The following MDM4 variants were observed in gnomAD, a reference collection of about 807,000 sequenced individuals.
The protein encoded by MDM4 is protein Mdm4.
Under a neutral mutation model 60.2 loss-of-function variants are expected in MDM4, and 2 were observed. The observed-to-expected ratio is 0.03, with a 90% CI of 0.01 to 0.10. The LOEUF is 0.10. Among genes scored for constraint, MDM4 ranks in the 10% least tolerant of loss-of-function variants. The pLI, the probability that MDM4 is intolerant of heterozygous loss-of-function variation, is 1.00. For synonymous variants in MDM4, 202 were observed against 198.1 expected (o/e 1.02, Z -0.17); for missense variants, 447 against 577.5 (o/e 0.77, Z 2.32).
In MDM4 at chr1:204,553,261, C is replaced by T. The variant is rs528613058; in HGVS notation, c.*3579C>T. ...TTTACTCACTGCCACTAAACTAAAG[C>T]AAGGCATAGTTTATATGTGAAGTGT... On this transcript the variant is annotated 3_prime_UTR_variant, in exon 11 of 11. Transcript: ENST00000367182. 1 of 200,034 alleles carries T rather than the reference C, an allele frequency of 5.0e-6. No individual in the cohort carries two copies. The highest frequency in any genetic ancestry group is 1.0e-5 in the Non-Finnish European group (1 of 96,742). 12.4% of individuals were successfully genotyped at this position (200,034 alleles called of 1,614,324 possible). A position where few individuals can be genotyped will look rare whatever the true frequency, so the allele number is the denominator to read the frequency against.
chr1:204,538,740 G>T, intron 7 of MDM4, among the ~76,000 whole-genome samples: 2 of 149,366 alleles, frequency 1.3e-5, no homozygotes. Flanking sequence ...GAGTTTCCCT[G>T]GGTCACCCAG....
chr1:204,524,797 A>G (rs144319077), intron 1 of MDM4, among the ~76,000 whole-genome samples: 238 of 152,306 alleles, frequency 1.6e-3, no homozygotes, highest in African/African-American at 5.6e-3. Context: ...TAAATAAACA[A>G]TCTATCTTCC....
chr1:204,546,914 C>T, intron 10 of MDM4, 37 bp downstream of exon 10: 1 of 1,300,014 alleles, frequency 7.7e-7, no homozygotes. Context: ...TGCACCAGCC[C>T]CATCTTCAGA....
intron 3 of MDM4, among the ~76,000 whole-genome samples, chr1:204,528,113 G>A (rs1660421488): frequency 7.0e-6 from 1 of 143,276 alleles, no homozygotes; most frequent in Non-Finnish European, 1.5e-5. Flanking sequence ...TTTTATTGAA[G>A]CTTACAATTT....
intron 5 of MDM4, among the ~76,000 whole-genome samples, chr1:204,534,220 A>T (rs1661160965): frequency 6.6e-6 from 1 of 152,236 alleles, no homozygotes; most frequent in Non-Finnish European, 1.5e-5. Context: ...CACTTCACAT[A>T]GCTGTAAATT....
intron 1 of MDM4, among the ~76,000 whole-genome samples, chr1:204,524,755 G>A (rs1659943741): frequency 6.6e-6 from 1 of 152,188 alleles, no homozygotes; most frequent in African/African-American, 2.4e-5. Flanking sequence ...TCAGCCTGGG[G>A]GACAGCGAGA....
Position 204,532,180 on chromosome 1 carries a change from C to T in MDM4, c.288-11C>T, listed in dbSNP as rs748427127. 6.4e-7 allele frequency: 1 copy of T among 1,573,598 alleles called. No homozygotes were observed. Among genetic ancestry groups the T allele is most frequent in the Non-Finnish European group, 8.7e-7 (1 of 1,144,878 alleles). ...TGGGGTTGTTAATTTTTTATCTTCT[C>T]TCTTTAACAGCCCTCTCTATGATAT... On this transcript the variant is annotated splice_polypyrimidine_tract_variant and intron_variant, in intron 4 of 10. Transcript: ENST00000367182.
In MDM4 at chr1:204,549,948, AT is replaced by A. The variant is rs1404162167; in HGVS notation, c.*269del. The A allele has an allele frequency of 1.5e-5, 5 of 330,162 alleles. No individual in the cohort carries two copies. The East Asian group carries it at 2.3e-4, about 15-fold the overall frequency. 20.5% of individuals were successfully genotyped at this position (330,162 alleles called of 1,614,324 possible). ...AAAGAAAAACTCTTGAAAACAAGAGATTTCTTCCATGCACATTTACAATATT... is the reference window on the plus strand; with the variant it reads ...AAAGAAAAACTCTTGAAAACAAGAGATTCTTCCATGCACATTTACAATATT... On this transcript the variant is annotated 3_prime_UTR_variant, in exon 11 of 11. Transcript: ENST00000367182.
intron 8 of MDM4, 72 bp downstream of exon 8, chr1:204,543,016 A>G (rs1662281435): frequency 1.6e-6 from 2 of 1,261,540 alleles, no homozygotes; most frequent in South Asian, 2.7e-5. Flanking sequence ...ACTCTTGACC[A>G]CACATTATAT....
At chr1:204,525,182 T>C (rs1659996451) in intron 1 of MDM4, 1 of 202,724 alleles carries the variant, frequency 4.9e-6, no homozygotes, top group Non-Finnish European at 8.8e-6. Flanking sequence ...GATAATGATT[T>C]GACTTTCAGC....
intron 1 of MDM4, among the ~76,000 whole-genome samples, chr1:204,524,740 G>C (rs896856135): frequency 6.6e-6 from 1 of 152,260 alleles, no homozygotes; most frequent in Non-Finnish European, 1.5e-5. Flanking sequence ...TTGCGCCATT[G>C]CGCTTCAGCC....
At chr1:204,547,931 A>C (rs1347527202) in intron 10 of MDM4, among the ~76,000 whole-genome samples, 1 of 152,210 alleles carries the variant, frequency 6.6e-6, no homozygotes, top group Non-Finnish European at 1.5e-5. Context: ...CATGTTGGTC[A>C]GGCTGGTCTT....
chr1:204,547,507 T>C (rs1460213791), intron 10 of MDM4, among the ~76,000 whole-genome samples: 1 of 152,204 alleles, frequency 6.6e-6, no homozygotes, highest in Non-Finnish European at 1.5e-5. Context: ...AAAAGGTTGG[T>C]GGAGGAAGGA....
intron 2 of MDM4, among the ~76,000 whole-genome samples, chr1:204,525,797 T>G (rs555308369): frequency 1.2e-3 from 181 of 152,180 alleles, no homozygotes; most frequent in Non-Finnish European, 2.3e-3. Flanking sequence ...AAAAATTAGC[T>G]AGATGCAGTG....
chr1:204,537,256 A>T (rs1661518668), intron 5 of MDM4, among the ~76,000 whole-genome samples, 174 bp from the exon 6 acceptor site: 1 of 151,646 alleles, frequency 6.6e-6, no homozygotes, highest in Non-Finnish European at 1.5e-5. Context: ...GGTCTTTGTC[A>T]TTTTTATCAA....
chr1:204,551,368 T>C lies in MDM4; in HGVS notation c.*1686T>C. 1 of 231,416 alleles carries C rather than the reference T, an allele frequency of 4.3e-6. No homozygotes were observed. The highest frequency in any genetic ancestry group is 6.1e-5 in the East Asian group (1 of 16,396). 14.3% of individuals were successfully genotyped at this position (231,416 alleles called of 1,614,324 possible). On this transcript the variant is annotated 3_prime_UTR_variant, in exon 11 of 11. Coordinates refer to ENST00000367182, the MANE Select transcript of MDM4 (RefSeq NM_002393.5). ...ACCCTCTTTGCGTCTTAGGAGTCAT[T>C]TAGATTTTTTTTGATCCTTTTGTTT...
At position 204,556,200 on chromosome 1, in the gene MDM4, C is replaced by T. The variant is rs961637242; in HGVS notation, c.*6518C>T. The T allele has an allele frequency of 1.8e-5, 4 of 225,846 alleles. No individual in the cohort carries two copies. The highest frequency in any genetic ancestry group is 1.1e-4 in the Admixed American group (2 of 17,506). 14.0% of individuals were successfully genotyped at this position (225,846 alleles called of 1,614,324 possible). A position where few individuals can be genotyped will look rare whatever the true frequency, so the allele number is the denominator to read the frequency against. On this transcript the variant is annotated 3_prime_UTR_variant, in exon 11 of 11. Transcript: ENST00000367182. ...TTGCTTTTATACCAAAGACCCTTAT[C>T]AGCCCTTGTAACTACAGTATCTTTA...
At chr1:204,538,128 T>G in intron 6 of MDM4, 81 bp from the exon 7 acceptor site, 1 of 807,098 alleles carries the variant, frequency 1.2e-6, no homozygotes, top group Non-Finnish European at 2.2e-6. Flanking sequence ...GCACACTAAC[T>G]GGTGAGCCAG....
chr1:204,549,080 C>G (rs370940570), intron 10 of MDM4, 33 bp from the exon 11 acceptor site: 19 of 1,317,752 alleles, frequency 1.4e-5, no homozygotes, highest in Non-Finnish European at 1.9e-5. Flanking sequence ...TATTAACCCC[C>G]TGAGTATTAA....
Sources: gnomAD v4.1 joint callset for allele counts (sites outside exome capture counted in the v4.1 genomes callset) on GRCh38, gnomAD v4.1.1 for gene constraint, MANE v1.5 for transcripts, NCBI Gene and HGNC (gene_info 2026-07-23, HGNC 2026-07-21) for gene names.